The following ROBO2 variants were observed in gnomAD, a reference collection of about 807,000 sequenced individuals.
ROBO2 encodes the protein roundabout homolog 2.
In ROBO2, 53 loss-of-function variants were observed where a neutral mutation model predicts 160.8. The ratio of observed to expected loss-of-function variants is 0.33; its 90% CI spans 0.26 to 0.41. The LOEUF (loss-of-function observed/expected upper bound fraction) is 0.41. Ranked by LOEUF, ROBO2 falls within the 10% of genes least tolerant of loss-of-function variation. The probability of loss-of-function intolerance (pLI) is 1.00; values close to 1 mark genes in which losing one functional copy is unlikely to be tolerated. For missense variants in ROBO2, 1,577 were observed against 1,722.4 expected, an observed-to-expected ratio of 0.92 and a Z score of 1.49; for synonymous variants, 664 against 611.7, an observed-to-expected ratio of 1.09 and a Z score of -1.26.
chr3:77,089,455 C>A (rs1273051311), intron 1 of ROBO2, among the ~76,000 whole-genome samples: 1 of 152,144 alleles, frequency 6.6e-6, no homozygotes, highest in South Asian at 2.1e-4. Flanking sequence ...GTTTGACAAA[C>A]CTCTTTTATC....
chr3:76,609,074 T>C (rs572531239), intron 2 of ROBO2, among the ~76,000 whole-genome samples: 308 of 152,314 alleles, frequency 2.0e-3, no homozygotes, highest in African/African-American at 5.6e-3. Context: ...ATAAATGGCC[T>C]CCAGCTCCAT....
chr3:76,279,341 T>G (rs959195753), intron 2 of ROBO2, among the ~76,000 whole-genome samples: 3 of 151,808 alleles, frequency 2.0e-5, no homozygotes, highest in Admixed American at 6.6e-5. Context: ...TTTAATTTAT[T>G]GCACCATGTT....
intron 1 of ROBO2, among the ~76,000 whole-genome samples, chr3:75,915,388 T>C (rs2875337): frequency 9.2e-5 from 14 of 152,286 alleles, no homozygotes; most frequent in African/African-American, 3.4e-4. Context: ...TGAAATGTAA[T>C]AGTGAGTCTG....
rs182898894 is a variant in ROBO2 at position 76,934,529 on chromosome 3, T to A, written c.110-163485T>A. Among the ~76,000 whole-genome samples the A allele has an allele frequency of 8.6e-5, 13 of 150,420 alleles. No individual in the cohort carries two copies. The East Asian group carries it at 2.6e-3, about 30-fold the overall frequency. On this transcript the variant is annotated intron_variant, in intron 2 of 26. Coordinates refer to the ROBO2 transcript ENST00000487694. Reference sequence around the variant, plus strand: ...AGAACGAGAGGGCCGGATCACGAGGTCAAGAGATCGATCGAGACCGTCCTG... The same window carrying A: ...AGAACGAGAGGGCCGGATCACGAGGACAAGAGATCGATCGAGACCGTCCTG...
chr3:76,699,593 C>T (rs1476062189), intron 2 of ROBO2, among the ~76,000 whole-genome samples: 4 of 152,088 alleles, frequency 2.6e-5, no homozygotes, highest in South Asian at 2.1e-4. Flanking sequence ...ATCTGAAGAA[C>T]GTAGTTTCCT....
intron 2 of ROBO2, among the ~76,000 whole-genome samples, chr3:76,269,566 T>G (rs1707302718): frequency 6.9e-6 from 1 of 144,682 alleles, no homozygotes. Context: ...CATACACACA[T>G]TCAATAAGTT....
At chr3:76,061,245 G>C (rs907578443) in intron 2 of ROBO2, among the ~76,000 whole-genome samples, 2 of 152,096 alleles carry the variant, frequency 1.3e-5, no homozygotes, top group Admixed American at 6.6e-5. Context: ...AATAAATTCG[G>C]GTAAAGTGCA....
chr3:75,960,935 T>C (rs1177522761), intron 2 of ROBO2, among the ~76,000 whole-genome samples: 1 of 151,764 alleles, frequency 6.6e-6, no homozygotes, highest in Admixed American at 6.6e-5. Flanking sequence ...TATACTTAAC[T>C]ATCATTGACA....
chr3:76,565,656 C>T (rs560567214), intron 2 of ROBO2, among the ~76,000 whole-genome samples: 28 of 152,268 alleles, frequency 1.8e-4, no homozygotes, highest in African/African-American at 6.5e-4. Context: ...GGGCCTTTAC[C>T]TAATGAAGTA....
chr3:76,869,022 G>T (rs1043128451), intron 2 of ROBO2, among the ~76,000 whole-genome samples: 2 of 152,052 alleles, frequency 1.3e-5, no homozygotes, highest in African/African-American at 4.8e-5. Context: ...ATCATTCTGT[G>T]CATTTTTTTT....
chr3:77,418,293 T>C (rs1455079394), intron 2 of ROBO2, among the ~76,000 whole-genome samples: 2 of 152,166 alleles, frequency 1.3e-5, no homozygotes, highest in African/African-American at 4.8e-5. Context: ...CTTCTCCTCA[T>C]TTTTTGGAGG....
chr3:76,014,876 T>C (rs1462932689), intron 2 of ROBO2, among the ~76,000 whole-genome samples: 1 of 152,128 alleles, frequency 6.6e-6, no homozygotes, highest in Non-Finnish European at 1.5e-5. Context: ...TGCAGGGAGC[T>C]GTGATCGCGC....
At chr3:76,395,962 C>A (rs905795921) in intron 2 of ROBO2, among the ~76,000 whole-genome samples, 72 of 152,162 alleles carry the variant, frequency 4.7e-4, no homozygotes, top group African/African-American at 1.4e-3. Context: ...ATCCTCCCTA[C>A]CTCATTTTAT....
At chr3:76,872,340 A>G (rs2072191513) in intron 2 of ROBO2, among the ~76,000 whole-genome samples, 1 of 152,168 alleles carries the variant, frequency 6.6e-6, no homozygotes, top group Admixed American at 6.5e-5. Flanking sequence ...AAAAATATAA[A>G]AAATACAGAA....
intron 7 of ROBO2, among the ~76,000 whole-genome samples, chr3:77,548,938 T>C (rs1399055112): frequency 2.0e-5 from 3 of 151,966 alleles, no homozygotes; most frequent in African/African-American, 7.2e-5. Context: ...TCTTACTATT[T>C]CCAGTATCCA....
chr3:76,894,686 TA>T (rs1323149779), intron 2 of ROBO2, among the ~76,000 whole-genome samples: 1 of 152,106 alleles, frequency 6.6e-6, no homozygotes, highest in East Asian at 1.9e-4. Flanking sequence ...GCTTCCTAAG[TA>T]AAAAGTTTTT....
chr3:76,597,084 A>G (rs1369691440), intron 2 of ROBO2, among the ~76,000 whole-genome samples: 1 of 152,170 alleles, frequency 6.6e-6, no homozygotes, highest in Non-Finnish European at 1.5e-5. Context: ...TGAATCCAAC[A>G]TAAACCTCTA....
intron 2 of ROBO2, among the ~76,000 whole-genome samples, chr3:76,171,010 G>A (rs1451982759): frequency 6.6e-6 from 1 of 152,040 alleles, no homozygotes; most frequent in East Asian, 1.9e-4. Flanking sequence ...CAGAGGCAAG[G>A]GTTACTGTCC....
intron 2 of ROBO2, among the ~76,000 whole-genome samples, chr3:77,012,292 A>C (rs1578243130): frequency 6.6e-6 from 1 of 152,194 alleles, no homozygotes; most frequent in East Asian, 1.9e-4. Context: ...CAAGCACCAA[A>C]TAATAGAAAT....
Sources: allele counts gnomAD v4.1 joint callset (sites outside exome capture counted in the v4.1 genomes callset), GRCh38; gene constraint gnomAD v4.1.1; transcripts MANE v1.5; gene names NCBI Gene and HGNC (gene_info 2026-07-23, HGNC 2026-07-21).